CACNA2D1: variants seen among roughly 807,000 people sequenced by gnomAD.
CACNA2D1 encodes calcium voltage-gated channel auxiliary subunit alpha2delta 1.
In CACNA2D1, 53 loss-of-function variants were observed where a neutral mutation model predicts 171.5. The ratio of observed to expected loss-of-function variants is 0.31; its 90% CI spans 0.25 to 0.39. The LOEUF is 0.39. CACNA2D1 is among the 10% of genes least tolerant of loss of function. CACNA2D1 has a pLI of 1.00. For missense variants in CACNA2D1, 903 were observed against 1,299.8 expected (o/e 0.69, Z 4.69); for synonymous variants, 442 against 443.1 (o/e 1.00, Z 0.03).
chr7:82,399,332 C>A (rs145790174), intron 1 of CACNA2D1, among the ~76,000 whole-genome samples: 2 of 151,698 alleles, frequency 1.3e-5, no homozygotes, highest in African/African-American at 4.8e-5. Context: ...CCCAGCTACT[C>A]GAGAGGCTCA....
In CACNA2D1 at chr7:82,170,593, G is replaced by A. The variant is rs1338611631; in HGVS notation, c.311C>T (p.Ala104Val). The A allele has an allele frequency of 1.2e-6, 2 of 1,612,244 alleles. No homozygotes were observed. The highest frequency in any genetic ancestry group is 1.3e-5 in the African/African-American group (1 of 74,772). Residue 104 changes from alanine (A) to valine (V), a missense_variant, in exon 4 of 39, where the codon GCG (alanine) becomes GTG (valine). Ala to Val is a moderately conservative substitution (Grantham distance 64, BLOSUM62 0). Around this residue, in one of 5 missense-constraint regions of CACNA2D1, gnomAD observed 189 missense variants for 266.8 expected, o/e 0.71. Coordinates refer to ENST00000356860, the MANE Select transcript of CACNA2D1 (RefSeq NM_000722.4). ...SKALVRLALEAEKVQAAHQWR... is the reference protein window; with the variant it reads ...SKALVRLALEVEKVQAAHQWR... ...CTGGTGAGCTGCTTGAACTTTCTCC[G>A]CTTCCAATGCCAGGCGCTGAAAAAC...
chr7:82,441,441 A>T (rs1830495391), intron 1 of CACNA2D1, among the ~76,000 whole-genome samples: 1 of 152,134 alleles, frequency 6.6e-6, no homozygotes, highest in Non-Finnish European at 1.5e-5. Context: ...TCGTTAAAAA[A>T]AATTTCAGAT....
intron 5 of CACNA2D1, among the ~76,000 whole-genome samples, chr7:82,121,625 T>C (rs957753817): frequency 3.3e-5 from 5 of 152,186 alleles, no homozygotes; most frequent in African/African-American, 9.6e-5. Flanking sequence ...GGTAGATGAA[T>C]AGATTTAGAA....
Position 82,003,804 on chromosome 7 carries a change from G to C in CACNA2D1, c.1590+1619C>G, listed in dbSNP as rs192454711. ...TTGTTGCCCAGGCTGGAGTGCAATG[G>C]CGTGGTCTCGGCTCACTGCAACCTC... On this transcript the variant is annotated intron_variant, in intron 18 of 38. Coordinates refer to ENST00000356860, the MANE Select transcript of CACNA2D1 (RefSeq NM_000722.4). Among the ~76,000 whole-genome samples, 45 of 150,706 alleles carry C rather than the reference G, an allele frequency of 3.0e-4. 1 individual carries two copies. The highest frequency in any genetic ancestry group is 1.1e-3 in the African/African-American group (45 of 41,002).
At chr7:81,998,343 C>A (rs1798257928) in intron 18 of CACNA2D1, among the ~76,000 whole-genome samples, 1 of 151,922 alleles carries the variant, frequency 6.6e-6, no homozygotes, top group African/African-American at 2.4e-5. Flanking sequence ...AAAGGTCACT[C>A]AAACTTTAAT....
At position 82,411,895 on chromosome 7, in the gene CACNA2D1, T is replaced by TCACACACACA. The variant is rs5885295; in HGVS notation, c.95+31460_95+31469dup. On this transcript the variant is annotated intron_variant, in intron 1 of 38. Coordinates refer to ENST00000356860, the MANE Select transcript of CACNA2D1 (RefSeq NM_000722.4). Reference sequence around the variant, plus strand: ...CCTCAAGCCAAACGAAAACTAAATCTCACACACACACACACACACACACAC... The same window carrying TCACACACACA: ...CCTCAAGCCAAACGAAAACTAAATCTCACACACACACACACACACACACACACACACACAC... Among the ~76,000 whole-genome samples, 595 of 144,884 alleles carry TCACACACACA rather than the reference T, an allele frequency of 4.1e-3. 8 individuals are homozygous for TCACACACACA. Among genetic ancestry groups the TCACACACACA allele is most frequent in the African/African-American group, 0.013 (498 of 39,302 alleles).
At chr7:82,217,031 A>C (rs1801187570) in intron 3 of CACNA2D1, among the ~76,000 whole-genome samples, 3 of 151,944 alleles carry the variant, frequency 2.0e-5, no homozygotes, top group Admixed American at 2.0e-4. Flanking sequence ...ATAGTTGCCA[A>C]ATTTATAAGG....
intron 1 of CACNA2D1, among the ~76,000 whole-genome samples, chr7:82,403,077 C>T (rs1168678790): frequency 6.6e-6 from 1 of 151,952 alleles, no homozygotes; most frequent in Non-Finnish European, 1.5e-5. Flanking sequence ...TCAGCGAATT[C>T]TAAATGTTCT....
At chr7:82,035,723 TA>T (rs1328240264) in intron 11 of CACNA2D1, among the ~76,000 whole-genome samples, 2 of 151,934 alleles carry the variant, frequency 1.3e-5, no homozygotes, top group Non-Finnish European at 2.9e-5. Flanking sequence ...GGAAAAAAAA[TA>T]CTAAGAAGAA....
At chr7:82,395,452 A>G (rs1825666486) in intron 1 of CACNA2D1, among the ~76,000 whole-genome samples, 1 of 152,224 alleles carries the variant, frequency 6.6e-6, no homozygotes, top group Admixed American at 6.5e-5. Flanking sequence ...GCTTTGTATT[A>G]TATTAGTAGT....
chr7:82,203,693 G>A (rs556739041), intron 3 of CACNA2D1, among the ~76,000 whole-genome samples: 2 of 152,324 alleles, frequency 1.3e-5, no homozygotes, highest in African/African-American at 4.8e-5. Flanking sequence ...AGCGCATGGA[G>A]TGCTTGAGAA....
chr7:82,064,309 C>A lies in CACNA2D1; in HGVS notation c.774G>T (p.Val258=), dbSNP rs750629295. 6.3e-7 allele frequency: 1 copy of A among 1,596,568 alleles called. No individual in the cohort carries two copies. The highest frequency in any genetic ancestry group is 1.7e-5 in the Admixed American group (1 of 59,840). The change falls in exon 9 of 39, where the codon GTG becomes GTT. Residue 258 remains valine (V), a synonymous_variant. Coordinates refer to ENST00000356860, the MANE Select transcript of CACNA2D1 (RefSeq NM_000722.4). ...AASPKDMLIL[V]DVSGSVSGLT... ...AGTAGTATTTAACAACTCACACATC[C>A]ACCAGAATAAGCATGTCTTTAGGAG...
At chr7:82,405,917 T>A (rs930025237) in intron 1 of CACNA2D1, among the ~76,000 whole-genome samples, 5 of 152,172 alleles carry the variant, frequency 3.3e-5, no homozygotes, top group Admixed American at 2.0e-4. Flanking sequence ...TACTTTAAGT[T>A]CTAGGGTACC....
chr7:82,413,876 A>T (rs868057932), intron 1 of CACNA2D1, among the ~76,000 whole-genome samples: 1 of 152,136 alleles, frequency 6.6e-6, no homozygotes, highest in Non-Finnish European at 1.5e-5. Flanking sequence ...ATATATATAA[A>T]ATGAAAATAT....
At chr7:82,208,324 C>T (rs575642157) in intron 3 of CACNA2D1, among the ~76,000 whole-genome samples, 7 of 152,086 alleles carry the variant, frequency 4.6e-5, no homozygotes, top group South Asian at 2.1e-4. Context: ...ATAGCATTAA[C>T]GACTTGATAT....
At chr7:82,247,047 A>G (rs1038237889) in intron 3 of CACNA2D1, among the ~76,000 whole-genome samples, 1 of 152,206 alleles carries the variant, frequency 6.6e-6, no homozygotes, top group Admixed American at 6.5e-5. Flanking sequence ...ACTGTCAGCC[A>G]TATTAGCTAG....
At chr7:82,029,166 CA>C (rs1379591202) in intron 12 of CACNA2D1, 1 of 151,804 alleles carries the variant, frequency 6.6e-6, no homozygotes, top group East Asian at 1.9e-4. Context: ...CAGCCATCAA[CA>C]TTAAGGCAAG....
intron 3 of CACNA2D1, among the ~76,000 whole-genome samples, chr7:82,230,217 T>A (rs576507810): frequency 6.6e-6 from 1 of 152,358 alleles, no homozygotes; most frequent in South Asian, 2.1e-4. Flanking sequence ...TATGCTGACT[T>A]CTAACATCAC....
chr7:82,236,772 T>C (rs1803636588), intron 3 of CACNA2D1, among the ~76,000 whole-genome samples: 1 of 152,022 alleles, frequency 6.6e-6, no homozygotes, highest in Admixed American at 6.6e-5. Flanking sequence ...ACAGTATTTT[T>C]AAGCTCTATT....
Sources: gnomAD v4.1 joint callset for allele counts (sites outside exome capture counted in the v4.1 genomes callset) on GRCh38, gnomAD v4.1.1 for gene constraint, gnomAD v4.1.1 regional missense constraint, MANE v1.5 for transcripts, NCBI Gene and HGNC (gene_info 2026-07-23, HGNC 2026-07-21) for gene names.